The following XIRP2 variants were observed in gnomAD, a reference collection of about 807,000 sequenced individuals.
XIRP2 encodes the protein xin actin-binding repeat-containing protein 2.
XIRP2 carries 236 observed loss-of-function variants against 277.0 expected under a neutral mutation model. The observed-to-expected ratio is 0.85, with a 90% CI of 0.77 to 0.95. The LOEUF (loss-of-function observed/expected upper bound fraction) is 0.95, where lower values mean the gene tolerates loss of function less well. Ranked by LOEUF, XIRP2 falls within the 40% of genes least tolerant of loss-of-function variation. The probability of loss-of-function intolerance (pLI) is 0.00; values close to 1 mark genes in which losing one functional copy is unlikely to be tolerated. For missense variants in XIRP2, 4,640 were observed against 4,157.5 expected, an observed-to-expected ratio of 1.12 and a Z score of -3.19; for synonymous variants, 1,490 against 1,416.5, an observed-to-expected ratio of 1.05 and a Z score of -1.17.
At chr2:167,162,323 T>C (rs1348208884) in intron 3 of XIRP2, among the ~76,000 whole-genome samples, 1 of 152,208 alleles carries the variant, frequency 6.6e-6, no homozygotes, top group Admixed American at 6.5e-5. Flanking sequence ...TAGTCTGTTC[T>C]CACGTTGCTG....
intron 2 of XIRP2, among the ~76,000 whole-genome samples, chr2:166,920,837 G>A (rs1685018569): frequency 6.6e-6 from 1 of 152,000 alleles, no homozygotes; most frequent in Non-Finnish European, 1.5e-5. Context: ...AACTGTTTTT[G>A]TCTTAGTTCC....
At position 167,251,683 on chromosome 2, in the gene XIRP2, G is replaced by C. The variant is rs1422143825; in HGVS notation, c.10291G>C (p.Glu3431Gln). ...GMDAFESQIVESKMKTSSSHS... is the reference protein window; with the variant it reads ...GMDAFESQIVQSKMKTSSSHS... ...GGATGCATTTGAGAGTCAAATTGTTGAGTCGAAGATGAAAACCTCTTCATC... is the reference window on the plus strand; with the variant it reads ...GGATGCATTTGAGAGTCAAATTGTTCAGTCGAAGATGAAAACCTCTTCATC... Residue 3431 changes from glutamate (E) to glutamine (Q), a missense_variant, in exon 9 of 11, where the codon GAG (glutamate) becomes CAG (glutamine). By Grantham distance (29) the Glu-to-Gln change is conservative. Transcript: ENST00000409195. 1 of 1,613,362 alleles carries C rather than the reference G, an allele frequency of 6.2e-7. No homozygotes were observed. Among genetic ancestry groups the C allele is most frequent in the South Asian group, 1.1e-5 (1 of 91,068 alleles).
chr2:167,018,350 G>T (rs1687888029), intron 2 of XIRP2, among the ~76,000 whole-genome samples: 1 of 151,932 alleles, frequency 6.6e-6, no homozygotes, highest in Admixed American at 6.6e-5. Context: ...TACTATTTGT[G>T]TTAGTTCAGG....
chr2:167,192,239 A>T (rs1312725150), intron 3 of XIRP2, among the ~76,000 whole-genome samples: 1 of 152,236 alleles, frequency 6.6e-6, no homozygotes, highest in African/African-American at 2.4e-5. Context: ...TAGATCTCAC[A>T]TTATAAAGTT....
At chr2:167,086,794 C>G (rs1052757462) in intron 2 of XIRP2, among the ~76,000 whole-genome samples, 15 of 149,116 alleles carry the variant, frequency 1.0e-4, no homozygotes, top group Non-Finnish European at 2.3e-4. Context: ...TCAGCTCCAT[C>G]AGCTCCTTTA....
intron 2 of XIRP2, among the ~76,000 whole-genome samples, chr2:167,060,109 G>A (rs1689141313): frequency 6.6e-6 from 1 of 152,040 alleles, no homozygotes; most frequent in African/African-American, 2.4e-5. Flanking sequence ...CCAAATTCCA[G>A]AACTTTAGAA....
At chr2:166,995,294 C>A (rs1235598804) in intron 2 of XIRP2, among the ~76,000 whole-genome samples, 1 of 152,156 alleles carries the variant, frequency 6.6e-6, no homozygotes, top group Non-Finnish European at 1.5e-5. Context: ...TGTTGCGTGG[C>A]TGAGCCCTAC....
chr2:166,950,101 G>A (rs1176003238), intron 2 of XIRP2, among the ~76,000 whole-genome samples: 2 of 151,954 alleles, frequency 1.3e-5, no homozygotes, highest in Non-Finnish European at 2.9e-5. Flanking sequence ...TTATAAATGC[G>A]ATGGCTAGCA....
chr2:167,077,173 CT>C (rs1689593938), intron 2 of XIRP2, among the ~76,000 whole-genome samples: 1 of 151,930 alleles, frequency 6.6e-6, no homozygotes, highest in African/African-American at 2.4e-5. Flanking sequence ...TTTCATTTTG[CT>C]TTCATAGATT....
intron 2 of XIRP2, among the ~76,000 whole-genome samples, chr2:166,908,674 A>G (rs1684602613): frequency 1.3e-5 from 2 of 152,176 alleles, no homozygotes; most frequent in South Asian, 4.1e-4. Flanking sequence ...GGTGTTTTAG[A>G]CATGAAGTCC....
intron 2 of XIRP2, among the ~76,000 whole-genome samples, chr2:167,111,011 G>A (rs944298112): frequency 3.3e-5 from 5 of 151,914 alleles, no homozygotes; most frequent in Admixed American, 2.0e-4. Context: ...TGATTTTTGC[G>A]CGTTGATTTT....
At chr2:167,213,413 C>A (rs929174787) in intron 4 of XIRP2, among the ~76,000 whole-genome samples, 7 of 152,112 alleles carry the variant, frequency 4.6e-5, no homozygotes, top group East Asian at 1.9e-4. Context: ...TATGTTATTT[C>A]TGTTATGCCC....
chr2:167,060,165 T>G (rs2096183322), intron 2 of XIRP2, among the ~76,000 whole-genome samples: 1 of 152,112 alleles, frequency 6.6e-6, no homozygotes. Flanking sequence ...GATTTCTTGT[T>G]ATAAAATAAT....
rs1408306713 is a variant in XIRP2, at chr2:167,201,343, A to AGG, written c.563-9392_563-9391insGG. 3.4e-4 allele frequency among the ~76,000 whole-genome samples: 51 copies of AGG among 151,294 alleles called. 3 individuals are homozygous for AGG. The South Asian group carries it at 9.5e-3, about 28-fold the overall frequency. On this transcript the variant is annotated intron_variant, in intron 3 of 10. Coordinates refer to ENST00000409195, the MANE Select transcript of XIRP2 (RefSeq NM_152381.6). ...AACGAAGGAAGGAAGGAAGGAAGGA[A>AGG]AGAAGGAAGGAAGGAAGGAAGGGGA...
chr2:167,246,390 GTT>G lies in XIRP2; in HGVS notation c.4999_5000del (p.Phe1667LeufsTer2). 1 of 1,613,436 alleles carries G rather than the reference GTT, an allele frequency of 6.2e-7. No individual in the cohort carries two copies. Among genetic ancestry groups the G allele is most frequent in the Non-Finnish European group, 8.5e-7 (1 of 1,179,688 alleles). ...ATGTACAACAAGCAATAAAAAACCT[GTT>G]CTCTGAGGAAAGATCTGTAAAGAAA... ...GDVQQAIKNLFSEERSVKKGI... is the reference protein window; with the variant it reads ...GDVQQAIKNLXSEERSVKKGI... On this transcript the variant is annotated frameshift_variant, in exon 9 of 11. Coordinates refer to ENST00000409195, the MANE Select transcript of XIRP2 (RefSeq NM_152381.6). LOFTEE classifies it high-confidence loss of function.
chr2:166,922,515 T>G (rs1053561873), intron 2 of XIRP2, among the ~76,000 whole-genome samples: 1 of 152,102 alleles, frequency 6.6e-6, no homozygotes, highest in African/African-American at 2.4e-5. Context: ...AAAGATTTTT[T>G]TTTTGGCTAG....
At chr2:167,175,630 G>A (rs924932217) in intron 3 of XIRP2, among the ~76,000 whole-genome samples, 3 of 152,166 alleles carry the variant, frequency 2.0e-5, no homozygotes, top group Non-Finnish European at 4.4e-5. Context: ...AACCACTTGA[G>A]GAGGCAGTCA....
chr2:167,193,095 G>A (rs2105368572), intron 3 of XIRP2, among the ~76,000 whole-genome samples: 1 of 152,234 alleles, frequency 6.6e-6, no homozygotes, highest in African/African-American at 2.4e-5. Flanking sequence ...CTTTTACTCT[G>A]CAAAATTTCA....
At chr2:167,023,202 C>A (rs1688037988) in intron 2 of XIRP2, among the ~76,000 whole-genome samples, 1 of 152,166 alleles carries the variant, frequency 6.6e-6, no homozygotes, top group African/African-American at 2.4e-5. Flanking sequence ...TCTCTGATGG[C>A]CATTGACGGT....
Sources: gnomAD v4.1 joint callset for allele counts (sites outside exome capture counted in the v4.1 genomes callset) on GRCh38, gnomAD v4.1.1 for gene constraint, MANE v1.5 for transcripts, NCBI Gene and HGNC (gene_info 2026-07-23, HGNC 2026-07-21) for gene names.